PTPRE: variants seen among roughly 807,000 people sequenced by gnomAD.
The protein encoded by PTPRE is receptor-type tyrosine-protein phosphatase epsilon.
Under a neutral mutation model 102.0 loss-of-function variants are expected in PTPRE, and 51 were observed. The ratio of observed to expected loss-of-function variants is 0.50; its 90% confidence interval spans 0.40 to 0.63. The LOEUF (loss-of-function observed/expected upper bound fraction) is 0.63, where lower values mean the gene tolerates loss of function less well. Among genes scored for constraint, PTPRE ranks in the 30% least tolerant of loss-of-function variants. The probability of loss-of-function intolerance (pLI) is 0.00; values close to 1 mark genes in which losing one functional copy is unlikely to be tolerated. For synonymous variants in PTPRE, 345 were observed against 348.2 expected, an observed-to-expected ratio of 0.99 and a Z score of 0.10; for missense variants, 752 against 915.1, an observed-to-expected ratio of 0.82 and a Z score of 2.30.
chr10:128,030,785 C>T (rs1453538966), intron 2 of PTPRE, among the ~76,000 whole-genome samples: 1 of 152,130 alleles, frequency 6.6e-6, no homozygotes, highest in African/African-American at 2.4e-5. Flanking sequence ...TCTGTGGGTT[C>T]CCAGGGCCCT....
chr10:128,065,072 TC>T (rs1849948202), intron 10 of PTPRE, among the ~76,000 whole-genome samples: 1 of 152,136 alleles, frequency 6.6e-6, no homozygotes, highest in Non-Finnish European at 1.5e-5. Flanking sequence ...CATTTGCAAT[TC>T]CCCTGGGCTG....
intron 2 of PTPRE, among the ~76,000 whole-genome samples, chr10:128,006,587 T>A (rs986702014): frequency 6.6e-6 from 1 of 152,210 alleles, no homozygotes; most frequent in Non-Finnish European, 1.5e-5. Context: ...GTTCCGTCTT[T>A]ATTGCAAACT....
chr10:128,072,029 G>A lies in PTPRE; in HGVS notation c.1388-109G>A, dbSNP rs11016049. The A allele has an allele frequency of 4.2e-5, 33 of 781,728 alleles. 3 individuals carry two copies. The South Asian group carries it at 5.2e-4, about 12-fold the overall frequency. 48.4% of individuals were successfully genotyped at this position (781,728 alleles called of 1,614,324 possible). A position where few individuals can be genotyped will look rare whatever the true frequency, so the allele number is the denominator to read the frequency against. ...AAACTTTCCAAAGAGTTGGCTTTACGTAGTGATTTTATTAATAGGATCTAT... is the reference window on the plus strand; with the variant it reads ...AAACTTTCCAAAGAGTTGGCTTTACATAGTGATTTTATTAATAGGATCTAT... On this transcript the variant is annotated intron_variant, in intron 15 of 20. Transcript: ENST00000254667.
In PTPRE at chr10:128,078,806, G is replaced by A. The variant is rs79172325; in HGVS notation, c.1893-754G>A. The stretch of plus-strand genomic sequence containing the variant: ...TGAACAAGATCCCACCTGTGAGAAC[G>A]CAGATGCGGGGCCGATCATTGCGGC... On this transcript the variant is annotated intron_variant, in intron 19 of 20. Coordinates refer to ENST00000254667, the MANE Select transcript of PTPRE (RefSeq NM_006504.6). Among the ~76,000 whole-genome samples, 25 of 152,358 alleles carry A rather than the reference G, an allele frequency of 1.6e-4. No individual in the cohort carries two copies. The East Asian group carries it at 4.2e-3, about 26-fold the overall frequency.
Position 128,076,667 on chromosome 10 carries a change from T to C in PTPRE, c.1664T>C (p.Ile555Thr). The C allele has an allele frequency of 6.2e-7, 1 of 1,611,794 alleles. No individual in the cohort carries two copies. The highest frequency in any genetic ancestry group is 8.5e-7 in the Non-Finnish European group (1 of 1,179,468). The change falls in exon 18 of 21, where the codon ATA becomes ACA. Residue 555 changes from isoleucine (I) to threonine (T), a missense_variant. By Grantham distance (89) the Ile-to-Thr change is moderately conservative (BLOSUM62 -1). This residue lies in a region of PTPRE where 636 missense variants were observed against 824.4 expected (regional missense o/e 0.77). Transcript: ENST00000254667. ...SVTHGEITIE[I>T]KNDTLSEAIS... ...ACTCATGGAGAAATAACGATTGAGA[T>C]AAAGAATGATACCCTTTCAGAAGCC...
chr10:128,067,319 CAT>C (rs1331983335), intron 11 of PTPRE, among the ~76,000 whole-genome samples: 7 of 151,772 alleles, frequency 4.6e-5, no homozygotes, highest in South Asian at 2.1e-4. Context: ...CACATTCACA[CAT>C]GTGCACACAC....
intron 2 of PTPRE, among the ~76,000 whole-genome samples, chr10:128,009,271 T>A (rs1025874823): frequency 6.6e-6 from 1 of 152,230 alleles, no homozygotes; most frequent in African/African-American, 2.4e-5. Context: ...TTTTGTTGCC[T>A]TCTCGTTTGG....
At chr10:128,001,739 A>G (rs866945579) in intron 2 of PTPRE, among the ~76,000 whole-genome samples, 20 of 152,162 alleles carry the variant, frequency 1.3e-4, no homozygotes, top group African/African-American at 4.8e-4. Flanking sequence ...CTGGGAGATA[A>G]CGTATGGGAA....
intron 5 of PTPRE, 64 bp from the exon 6 acceptor site, chr10:128,049,466 G>A: frequency 6.3e-7 from 1 of 1,575,766 alleles, no homozygotes; most frequent in Non-Finnish European, 8.7e-7. Flanking sequence ...TGGTCAGCTT[G>A]GTTACTCAGT....
intron 1 of PTPRE, among the ~76,000 whole-genome samples, chr10:127,970,392 C>G (rs1257270252): frequency 6.6e-6 from 1 of 152,110 alleles, no homozygotes; most frequent in Non-Finnish European, 1.5e-5. Flanking sequence ...ATCAGAGCTC[C>G]AAGCCTAGAA....
intron 2 of PTPRE, among the ~76,000 whole-genome samples, chr10:127,991,351 T>TA (rs1852637191): frequency 6.6e-6 from 1 of 152,252 alleles, no homozygotes; most frequent in Admixed American, 6.5e-5. Context: ...CCCACGGCTG[T>TA]ATATTTTCCG....
At chr10:128,006,712 G>T (rs1284875293) in intron 2 of PTPRE, among the ~76,000 whole-genome samples, 1 of 152,118 alleles carries the variant, frequency 6.6e-6, no homozygotes, top group Non-Finnish European at 1.5e-5. Flanking sequence ...CATTTGGGGG[G>T]ATAAAAGAAT....
intron 3 of PTPRE, among the ~76,000 whole-genome samples, chr10:128,043,235 A>C (rs1356526115): frequency 6.6e-6 from 1 of 152,084 alleles, no homozygotes; most frequent in Non-Finnish European, 1.5e-5. Flanking sequence ...TAATTATACA[A>C]CTCACCATCA....
chr10:128,070,257 G>GTT lies in PTPRE; in HGVS notation c.1144-44_1144-43insTT, dbSNP rs1455491882. 1.3e-6 allele frequency: 2 copies of GTT among 1,558,800 alleles called. No individual in the cohort carries two copies. Among genetic ancestry groups the GTT allele is most frequent in the South Asian group, 2.4e-5 (2 of 82,326 alleles). On this transcript the variant is annotated intron_variant, in intron 13 of 20. Transcript: ENST00000254667. This position sits in a 1 kb window ranked among gnomAD's most constrained non-coding sequence, Gnocchi z 4.8. The stretch of plus-strand genomic sequence containing the variant: ...GCCAAGCTCCACGTGGGCCAAGACT[G>GTT]CAGGGCAGAGTTGAGGGTGTGGGCA...
At chr10:127,936,266 A>C (rs946835922) in intron 1 of PTPRE, 2 of 152,214 alleles carry the variant, frequency 1.3e-5, no homozygotes, top group Admixed American at 6.5e-5. Flanking sequence ...CATTCACCAC[A>C]GCATGGGAGA....
intron 1 of PTPRE, among the ~76,000 whole-genome samples, chr10:127,939,807 CAGG>C (rs1194570456): frequency 2.1e-5 from 3 of 145,558 alleles, no homozygotes; most frequent in Admixed American, 6.8e-5. Context: ...CAGGTGGAGG[CAGG>C]AGGAGACAGG....
intron 1 of PTPRE, among the ~76,000 whole-genome samples, chr10:127,915,302 CT>C (rs930879070): frequency 3.9e-5 from 6 of 152,154 alleles, no homozygotes; most frequent in Admixed American, 2.0e-4. Flanking sequence ...GTGATTAACA[CT>C]TTTTTTCCAG....
intron 2 of PTPRE, among the ~76,000 whole-genome samples, chr10:128,032,118 C>T (rs1846810157): frequency 6.6e-6 from 1 of 152,114 alleles, no homozygotes; most frequent in African/African-American, 2.4e-5. Flanking sequence ...TGGGTTCAAG[C>T]AATTCTCCTG....
intron 2 of PTPRE, among the ~76,000 whole-genome samples, chr10:128,018,872 T>TCA (rs71971604): frequency 0.22 from 33,466 of 151,002 alleles, 4,253 homozygotes; most frequent in Non-Finnish European, 0.28. Flanking sequence ...TCTCTCTCTC[T>TCA]CACACACACA....
Sources: gnomAD v4.1 joint callset for allele counts (sites outside exome capture counted in the v4.1 genomes callset) on GRCh38, gnomAD v4.1.1 for gene constraint, gnomAD v4.1.1 regional missense constraint, Gnocchi (gnomAD v3.1) non-coding constraint, MANE v1.5 for transcripts, NCBI Gene and HGNC (gene_info 2026-07-23, HGNC 2026-07-21) for gene names.